PCDH10: variants seen among roughly 807,000 people sequenced by gnomAD.
The protein encoded by PCDH10 is protocadherin-10.
Under a neutral mutation model 74.4 loss-of-function variants are expected in PCDH10, and 15 were observed. The observed-to-expected ratio is 0.20, with a 90% CI of 0.13 to 0.31. The LOEUF (loss-of-function observed/expected upper bound fraction) is 0.31, where lower values mean the gene tolerates loss of function less well. Ranked by LOEUF, PCDH10 falls within the 10% of genes least tolerant of loss-of-function variation. PCDH10 has a pLI of 1.00. For missense variants in PCDH10, 1,260 were observed against 1,390.2 expected (o/e 0.91, Z 1.49); for synonymous variants, 619 against 589.8 (o/e 1.05, Z -0.72).
chr4:133,154,988 G>A lies in PCDH10; in HGVS notation c.2762G>A (p.Ser921Asn). Residue 921 changes from serine (S) to asparagine (N), a missense_variant, in exon 3 of 5, where the codon AGT becomes AAT. By Grantham distance (46) the Ser-to-Asn change is conservative. This residue lies in a region of PCDH10 where 3 missense variants were observed against 19.7 expected (regional missense o/e 0.15). Transcript: ENST00000264360. Reference sequence around the variant, plus strand: ...CATGGAGACAGTGAACAGGGAGATAGTGATCATGATGCCACCAACCGTGCC... The same window carrying A: ...CATGGAGACAGTGAACAGGGAGATAATGATCATGATGCCACCAACCGTGCC... ...SGHGDSEQGD[S>N]DHDATNRAQS... 6.2e-7 allele frequency: 1 copy of A among 1,613,758 alleles called. No individual in the cohort carries two copies. The highest frequency in any genetic ancestry group is 8.5e-7 in the Non-Finnish European group (1 of 1,179,654).
At chr4:133,201,148 AGT>A (rs1443009637) in intron 2 of PCDH10, among the ~76,000 whole-genome samples, 1 of 152,212 alleles carries the variant, frequency 6.6e-6, no homozygotes, top group Non-Finnish European at 1.5e-5. Context: ...CATCACCAAG[AGT>A]AAATCTGACT....
At position 133,191,960 on chromosome 4, in the gene PCDH10, T is replaced by TACACACACACACAC. The variant is rs780503204; in HGVS notation, c.*1801_*1802insCACACACACACACA. ...CCTAGATTTAACTTTAAAATACATATATATACACACACACACACACACACA... is the reference window on the plus strand; with the variant it reads ...CCTAGATTTAACTTTAAAATACATATACACACACACACACATATACACACACACACACACACACA... On this transcript the variant is annotated 3_prime_UTR_variant, in exon 5 of 5. Transcript: ENST00000264360. The TACACACACACACAC allele has an allele frequency of 4.9e-5, 3 of 61,412 alleles. No homozygotes were observed. Among genetic ancestry groups the TACACACACACACAC allele is most frequent in the African/African-American group, 2.0e-4 (3 of 15,136 alleles). 3.8% of individuals were successfully genotyped at this position (61,412 alleles called of 1,614,324 possible). A position where few individuals can be genotyped will look rare whatever the true frequency, so the allele number is the denominator to read the frequency against.
downstream of PCDH10, among the ~76,000 whole-genome samples, chr4:133,199,318 ATAATAATAAT>A (rs1232644307): frequency 8.8e-5 from 13 of 147,646 alleles, no homozygotes; most frequent in African/African-American, 3.2e-4. Flanking sequence ...AATAATAATA[ATAATAATAAT>A]TAATTAAATA....
intron 4 of PCDH10, among the ~76,000 whole-genome samples, chr4:133,165,061 T>TAC (rs1167448630): frequency 6.8e-6 from 1 of 147,834 alleles, no homozygotes; most frequent in East Asian, 1.9e-4. Flanking sequence ...TTCATATATA[T>TAC]ACACATATAT....
chr4:133,194,278 T>G lies in PCDH10; in HGVS notation c.*4118T>G, dbSNP rs1208643740. The G allele has an allele frequency of 6.6e-6, 1 of 151,882 alleles. No individual in the cohort carries two copies. Among genetic ancestry groups the G allele is most frequent in the Non-Finnish European group, 1.5e-5 (1 of 67,818 alleles). 9.4% of individuals were successfully genotyped at this position (151,882 alleles called of 1,614,324 possible). On this transcript the variant is annotated 3_prime_UTR_variant, in exon 5 of 5. Coordinates refer to ENST00000264360, the MANE Select transcript of PCDH10 (RefSeq NM_032961.3). ...TTGAAGTTTTACTCTCCAGATGTTT[T>G]TGAGTTGCATAAAAATCTTGCATTC...
chr4:133,165,007 CAT>C (rs1157677824), intron 4 of PCDH10, among the ~76,000 whole-genome samples: 2 of 146,648 alleles, frequency 1.4e-5, no homozygotes, highest in African/African-American at 5.0e-5. Flanking sequence ...CACATATATT[CAT>C]ATATATGTGT....
In PCDH10 at chr4:133,191,077, C is replaced by A. The variant is rs1727656605; in HGVS notation, c.*917C>A. The A allele has an allele frequency of 6.6e-6, 1 of 152,340 alleles. No homozygotes were observed. The allele number at this position is 152,340 out of a possible 1,614,324, so 9.4% of individuals were successfully genotyped here. On this transcript the variant is annotated 3_prime_UTR_variant, in exon 5 of 5. Coordinates refer to ENST00000264360, the MANE Select transcript of PCDH10 (RefSeq NM_032961.3). The stretch of plus-strand genomic sequence containing the variant: ...ATGTACTATCAAACTATCTAACAAT[C>A]TGCATAAGTCTGATTCTATTTCTAT...
rs1363185038 is a variant in PCDH10 at position 133,194,526 on chromosome 4, T to C, written c.*4366T>C. 6.6e-6 allele frequency: 1 copy of C among 151,906 alleles called. No homozygotes were observed. Among genetic ancestry groups the C allele is most frequent in the Non-Finnish European group, 1.5e-5 (1 of 67,844 alleles). 9.4% of individuals were successfully genotyped at this position (151,906 alleles called of 1,614,324 possible). A position where few individuals can be genotyped will look rare whatever the true frequency, so the allele number is the denominator to read the frequency against. ...TTTGTTACTGTGAATGCTATAATAATACATAAGTAAAATGAGTGTAAATGT... is the reference window on the plus strand; with the variant it reads ...TTTGTTACTGTGAATGCTATAATAACACATAAGTAAAATGAGTGTAAATGT... On this transcript the variant is annotated 3_prime_UTR_variant, in exon 5 of 5. Coordinates refer to ENST00000264360, the MANE Select transcript of PCDH10 (RefSeq NM_032961.3).
At chr4:133,184,707 AT>A in intron 4 of PCDH10, among the ~76,000 whole-genome samples, 1 of 144,616 alleles carries the variant, frequency 6.9e-6, no homozygotes, top group South Asian at 2.1e-4. Context: ...AAATATATAT[AT>A]TTATATTTGT....
At chr4:133,203,724 G>A (rs1053824262) in intron 2 of PCDH10, among the ~76,000 whole-genome samples, 4 of 152,140 alleles carry the variant, frequency 2.6e-5, no homozygotes, top group Non-Finnish European at 5.9e-5. Flanking sequence ...AAGTTTAATA[G>A]TTACAGCTTT....
At position 133,190,766 on chromosome 4, in the gene PCDH10, A is replaced by G. The variant is rs1273384286; in HGVS notation, c.*606A>G. The stretch of plus-strand genomic sequence containing the variant: ...TAAATAAATATAAAATATATATATT[A>G]TATTATATAATTTTCCTAAAATGTG... On this transcript the variant is annotated 3_prime_UTR_variant, in exon 5 of 5. Coordinates refer to ENST00000264360, the MANE Select transcript of PCDH10 (RefSeq NM_032961.3). The G allele has an allele frequency of 6.7e-6, 1 of 149,932 alleles. No individual in the cohort carries two copies. Among genetic ancestry groups the G allele is most frequent in the East Asian group, 1.9e-4 (1 of 5,156 alleles). 9.3% of individuals were successfully genotyped at this position (149,932 alleles called of 1,614,324 possible).
chr4:133,199,377 C>T (rs934817444), downstream of PCDH10, among the ~76,000 whole-genome samples: 8 of 149,992 alleles, frequency 5.3e-5, no homozygotes, highest in Non-Finnish European at 8.9e-5. Context: ...GAAAAAGAGA[C>T]ATTGGGGTAG....
At chr4:133,172,478 G>A (rs1406790777) in intron 4 of PCDH10, among the ~76,000 whole-genome samples, 2 of 151,906 alleles carry the variant, frequency 1.3e-5, no homozygotes, top group African/African-American at 4.8e-5. Flanking sequence ...AATCATAAAT[G>A]TATAACTCAA....
intron 2 of PCDH10, among the ~76,000 whole-genome samples, chr4:133,199,923 G>A (rs1157648188): frequency 1.3e-5 from 2 of 150,780 alleles, no homozygotes; most frequent in Admixed American, 6.6e-5. Flanking sequence ...TCAGCCTCCC[G>A]AGCTGCTGGG....
At chr4:133,202,959 G>A (rs1354483764) in intron 2 of PCDH10, among the ~76,000 whole-genome samples, 1 of 152,172 alleles carries the variant, frequency 6.6e-6, no homozygotes, top group East Asian at 1.9e-4. Context: ...CTTTCAGGGA[G>A]AGTATATTAG....
chr4:133,182,168 A>G (rs1161748772), intron 4 of PCDH10, among the ~76,000 whole-genome samples: 1 of 152,068 alleles, frequency 6.6e-6, no homozygotes, highest in Non-Finnish European at 1.5e-5. Context: ...ATAGATTTAT[A>G]CAAGCACAAC....
chr4:133,152,162 G>A lies in PCDH10; in HGVS notation c.2022G>A (p.Leu674=). 2 of 1,569,038 alleles carry A rather than the reference G, an allele frequency of 1.3e-6. No homozygotes were observed. Among genetic ancestry groups the A allele is most frequent in the Non-Finnish European group, 1.7e-6 (2 of 1,157,832 alleles). ...CGCCCCTTTCCTCCACCGCCACCCT[G>A]GTGGTTCAGCTGGTGGATGGCGCCG... ...GQPPLSSTAT[L]VVQLVDGAVE... Residue 674 remains leucine (L), a synonymous_variant, in exon 1 of 5, where the codon CTG becomes CTA. Transcript: ENST00000264360.
intron 4 of PCDH10, among the ~76,000 whole-genome samples, chr4:133,167,423 A>C (rs2125865101): frequency 6.6e-6 from 1 of 151,682 alleles, no homozygotes; most frequent in African/African-American, 2.4e-5. Flanking sequence ...TCTTATAGAT[A>C]CACATTACCT....
chr4:133,205,156 G>T (rs183324083), intron 2 of PCDH10, among the ~76,000 whole-genome samples: 1 of 152,276 alleles, frequency 6.6e-6, no homozygotes, highest in East Asian at 1.9e-4. Flanking sequence ...AAGGGAACTT[G>T]AAGTTAGGCT....
Sources: allele counts gnomAD v4.1 joint callset (sites outside exome capture counted in the v4.1 genomes callset), GRCh38; gene constraint gnomAD v4.1.1; regional missense constraint gnomAD v4.1.1; transcripts MANE v1.5; gene names NCBI Gene and HGNC (gene_info 2026-07-23, HGNC 2026-07-21).